Variants in ZNF254 observed in about 807,000 individuals in gnomAD.
The protein encoded by ZNF254 is CTD-2017D11.1.
A neutral mutation model predicts 12.4 loss-of-function variants in ZNF254; 10 were observed. The observed-to-expected ratio is 0.80, with a 90% CI of 0.50 to 1.36. The LOEUF is 1.36. Ranked by LOEUF, ZNF254 falls within the 40% of genes most tolerant of loss-of-function variation. The pLI is 0.00. For synonymous variants in ZNF254, 305 were observed against 253.4 expected (o/e 1.20, Z -1.93); for missense variants, 996 against 763.9 (o/e 1.30, Z -3.58).
intron 2 of ZNF254, among the ~76,000 whole-genome samples, chr19:24,062,087 C>CAAAAAA (rs72097158): frequency 6.3e-4 from 72 of 114,814 alleles, no homozygotes; most frequent in Non-Finnish European, 1.0e-3. Flanking sequence ...CTCTGTCTCA[C>CAAAAAA]AAAAAAAAAA....
In ZNF254 at chr19:24,102,901, A is replaced by G. The variant is rs936360156; in HGVS notation, c.31-3039A>G. Among the ~76,000 whole-genome samples, 15 of 152,202 alleles carry G rather than the reference A, an allele frequency of 9.9e-5. 1 individual carries two copies. Among genetic ancestry groups the G allele is most frequent in the Admixed American group, 5.2e-4 (8 of 15,274 alleles). The stretch of plus-strand genomic sequence containing the variant: ...TATTCCATGCATTTTAAAAAACTCA[A>G]TGATAAACAGAAGAGGAAATAAAAA... On this transcript the variant is annotated intron_variant, in intron 1 of 3. Transcript: ENST00000357002.
chr19:24,082,379 G>A (rs1245433069), upstream of ZNF254, among the ~76,000 whole-genome samples: 2 of 141,634 alleles, frequency 1.4e-5, no homozygotes, highest in Non-Finnish European at 3.0e-5. Flanking sequence ...AGACACAGTG[G>A]GTCATGCCTG....
chr19:24,110,239 A>C (rs1838594918), intron 3 of ZNF254, among the ~76,000 whole-genome samples: 1 of 152,124 alleles, frequency 6.6e-6, no homozygotes, highest in African/African-American at 2.4e-5. Context: ...TTAGCATATA[A>C]TTTACCTTCT....
At chr19:24,039,413 G>T (rs977539035) in intron 1 of ZNF254, among the ~76,000 whole-genome samples, 6 of 108,050 alleles carry the variant, frequency 5.6e-5, no homozygotes, top group East Asian at 4.0e-4. Context: ...AAGTTTTTTT[G>T]TTGTTGTTTT....
chr19:24,042,168 G>A (rs932124227), intron 1 of ZNF254, among the ~76,000 whole-genome samples: 8 of 152,000 alleles, frequency 5.3e-5, no homozygotes, highest in Non-Finnish European at 1.0e-4. Flanking sequence ...TCGACACTCT[G>A]TATCTAGCTG....
chr19:24,129,055 T>A lies in ZNF254; in HGVS notation c.*1075T>A, dbSNP rs1367410056. 2.6e-5 allele frequency: 4 copies of A among 152,000 alleles called. No homozygotes were observed. Among genetic ancestry groups the A allele is most frequent in the Non-Finnish European group, 5.9e-5 (4 of 67,892 alleles). 9.4% of individuals were successfully genotyped at this position (152,000 alleles called of 1,614,324 possible). A position where few individuals can be genotyped will look rare whatever the true frequency, so the allele number is the denominator to read the frequency against. On this transcript the variant is annotated 3_prime_UTR_variant, in exon 4 of 4. Coordinates refer to ENST00000357002, the MANE Select transcript of ZNF254 (RefSeq NM_203282.4). ...TTATTAGGCATTATTTATGACCTTT[T>A]CTATGAAAAGATAAGGACATTAAAA...
chr19:24,036,334 A>C (rs914066954), intron 1 of ZNF254, among the ~76,000 whole-genome samples: 1 of 152,004 alleles, frequency 6.6e-6, no homozygotes, highest in African/African-American at 2.4e-5. Context: ...TGGGATTACA[A>C]GTGTGAGCCA....
In ZNF254 at chr19:24,087,235, C is replaced by T; in HGVS notation, c.-73C>T. 1 of 1,603,084 alleles carries T rather than the reference C, an allele frequency of 6.2e-7. No homozygotes were observed. Among genetic ancestry groups the T allele is most frequent in the Admixed American group, 1.7e-5 (1 of 59,824 alleles). On this transcript the variant is annotated 5_prime_UTR_variant, in exon 1 of 4. Transcript: ENST00000357002. ...GAGTCCCAGGTCTGTCTTCACTGCT[C>T]TGTGTCCTCTGCTCCTAGAGGCCCA...
chr19:24,106,447 TTTGTTAGC>T, intron 2 of ZNF254, 93 bp from the exon 3 acceptor site: 1 of 897,412 alleles, frequency 1.1e-6, no homozygotes, highest in Non-Finnish European at 1.6e-6. Flanking sequence ...TTAGAATAAC[TTTGTTAGC>T]ATATTCTATT....
chr19:24,117,725 C>T (rs1378415437), intron 3 of ZNF254, among the ~76,000 whole-genome samples: 1 of 152,050 alleles, frequency 6.6e-6, no homozygotes, highest in Non-Finnish European at 1.5e-5. Flanking sequence ...CTGTCTGTCA[C>T]TCCCTAGTGA....
At chr19:24,117,900 T>G (rs553897671) in intron 3 of ZNF254, among the ~76,000 whole-genome samples, 9 of 152,074 alleles carry the variant, frequency 5.9e-5, no homozygotes, top group Admixed American at 4.6e-4. Context: ...GTCTTCAAGG[T>G]CTTTTGTTGC....
chr19:24,094,530 A>T (rs1297983816), intron 1 of ZNF254, among the ~76,000 whole-genome samples: 1 of 152,198 alleles, frequency 6.6e-6, no homozygotes, highest in Non-Finnish European at 1.5e-5. Context: ...AAGTGCTGGG[A>T]TTACAGGCGT....
intron 3 of ZNF254, among the ~76,000 whole-genome samples, chr19:24,113,571 C>G (rs1336750003): frequency 6.6e-6 from 1 of 152,132 alleles, no homozygotes; most frequent in African/African-American, 2.4e-5. Context: ...AACCCACAGC[C>G]AATATCATAC....
In ZNF254 at chr19:24,126,240, T is replaced by A; in HGVS notation, c.254-14T>A. The A allele has an allele frequency of 7.1e-7, 1 of 1,403,778 alleles. No individual in the cohort carries two copies. The highest frequency in any genetic ancestry group is 2.0e-5 in the South Asian group (1 of 49,168). The allele number at this position is 1,403,778 out of a possible 1,614,324, so 87.0% of individuals were successfully genotyped here. On this transcript the variant is annotated splice_polypyrimidine_tract_variant and intron_variant, in intron 3 of 3. Coordinates refer to ENST00000357002, the MANE Select transcript of ZNF254 (RefSeq NM_203282.4). ...GTAAGTGGAGTAATTTATTTATTTT[T>A]ATTTTTTTTTCAGGTATGTGTCCTC...
chr19:24,129,332 CATATT>C lies in ZNF254; in HGVS notation c.*1354_*1358del, dbSNP rs1263165257. ...TAGCTTTTCAATTCAACATTTTTAA[CATATT>C]AAATACTATTGTGAATTCAATGAAG... is the stretch of plus-strand genomic sequence containing the variant. On this transcript the variant is annotated 3_prime_UTR_variant, in exon 4 of 4. Transcript: ENST00000357002. 1 of 151,900 alleles carries C rather than the reference CATATT, an allele frequency of 6.6e-6. No individual in the cohort carries two copies. The highest frequency in any genetic ancestry group is 1.5e-5 in the Non-Finnish European group (1 of 67,898). The allele number at this position is 151,900 out of a possible 1,614,324, so 9.4% of individuals were successfully genotyped here.
intron 1 of ZNF254, among the ~76,000 whole-genome samples, chr19:24,044,409 G>A (rs1041583046): frequency 1.3e-4 from 20 of 151,770 alleles, no homozygotes; most frequent in South Asian, 1.0e-3. Context: ...ATGGTGGCAG[G>A]CACCTGTAGT....
intron 1 of ZNF254, among the ~76,000 whole-genome samples, chr19:24,039,015 C>T (rs1297660627): frequency 1.3e-5 from 2 of 152,134 alleles, no homozygotes; most frequent in Non-Finnish European, 2.9e-5. Flanking sequence ...GCTTTTCTGC[C>T]CTCCTAAACC....
chr19:24,050,583 C>T (rs918860960), intron 2 of ZNF254, among the ~76,000 whole-genome samples: 7 of 152,216 alleles, frequency 4.6e-5, no homozygotes, highest in Admixed American at 6.5e-5. Flanking sequence ...GAGTGACTTA[C>T]TGCTGAATTT....
At chr19:24,086,791 T>C (rs1210307628), upstream of ZNF254, among the ~76,000 whole-genome samples, 2 of 152,226 alleles carry the variant, frequency 1.3e-5, no homozygotes, top group African/African-American at 4.8e-5. Flanking sequence ...GATTTACTTA[T>C]AACGGTTTAT....
Sources: gnomAD v4.1 joint callset for allele counts (sites outside exome capture counted in the v4.1 genomes callset) on GRCh38, gnomAD v4.1.1 for gene constraint, MANE v1.5 for transcripts, NCBI Gene and HGNC (gene_info 2026-07-23, HGNC 2026-07-21) for gene names.